SETBP1: variants seen among roughly 807,000 people sequenced by gnomAD.
SETBP1 encodes SET-binding protein.
In SETBP1, 9 loss-of-function variants were observed where a neutral mutation model predicts 101.0. The observed-to-expected ratio is 0.09, with a 90% CI of 0.05 to 0.16. The LOEUF is 0.16. Ranked by LOEUF, SETBP1 falls within the 10% of genes least tolerant of loss-of-function variation. The pLI is 1.00. For missense variants in SETBP1, 1,858 were observed against 2,033.8 expected (o/e 0.91, Z 1.66); for synonymous variants, 818 against 788.5 (o/e 1.04, Z -0.63).
rs150260283 is a variant in SETBP1, at chr18:44,835,729, C to T, written c.487-33501C>T. ...TCAAGTGGTTTGTTTGTGAAGTTCA[C>T]ACGGCCAAGCCAGAGCAAAGCTGTG... On this transcript the variant is annotated intron_variant, in intron 2 of 5. Transcript: ENST00000649279. Among the ~76,000 whole-genome samples the T allele has an allele frequency of 2.1e-3, 322 of 152,306 alleles. 1 individual carries two copies. Among genetic ancestry groups the T allele is most frequent in the African/African-American group, 7.6e-3 (314 of 41,564 alleles).
intron 2 of SETBP1, among the ~76,000 whole-genome samples, chr18:44,854,085 G>A (rs1388528796): frequency 6.6e-6 from 1 of 152,000 alleles, no homozygotes; most frequent in Non-Finnish European, 1.5e-5. Flanking sequence ...AATAAATGCT[G>A]TCTCCCCTAA....
At chr18:44,685,775 C>G (rs2068827697) in intron 1 of SETBP1, among the ~76,000 whole-genome samples, 1 of 152,260 alleles carries the variant, frequency 6.6e-6, no homozygotes, top group Admixed American at 6.5e-5. Context: ...TTAATAACCC[C>G]TTGGAATGAT....
intron 4 of SETBP1, among the ~76,000 whole-genome samples, chr18:45,006,892 TC>T (rs1326193942): frequency 2.6e-5 from 4 of 152,202 alleles, no homozygotes; most frequent in Non-Finnish European, 5.9e-5. Context: ...CCAAGTGAAC[TC>T]TACAGCACAT....
At chr18:44,926,367 A>C (rs190377716) in intron 3 of SETBP1, among the ~76,000 whole-genome samples, 20 of 152,330 alleles carry the variant, frequency 1.3e-4, no homozygotes, top group Admixed American at 1.3e-3. Flanking sequence ...AAGCTTCCAT[A>C]AGGCCACAGA....
At chr18:44,809,373 C>T (rs969452327) in intron 2 of SETBP1, among the ~76,000 whole-genome samples, 20 of 152,150 alleles carry the variant, frequency 1.3e-4, no homozygotes, top group Non-Finnish European at 2.5e-4. Context: ...AAATTCAAAA[C>T]AAGAAATTAC....
chr18:44,683,921 G>A (rs2068796851), intron 1 of SETBP1, among the ~76,000 whole-genome samples: 1 of 152,228 alleles, frequency 6.6e-6, no homozygotes, highest in African/African-American at 2.4e-5. Flanking sequence ...GAACACATTA[G>A]TATTGTAAGG....
chr18:45,064,983 T>C lies in SETBP1; in HGVS notation c.*1285T>C, dbSNP rs772820465. ...AGCCACCTTGGACAAAGTATCCAAA[T>C]TGTGGTTGCCTTAATAAACTAAAAC... On this transcript the variant is annotated 3_prime_UTR_variant, in exon 6 of 6. Transcript: ENST00000649279. 2 of 152,322 alleles carry C rather than the reference T, an allele frequency of 1.3e-5. No individual in the cohort carries two copies. Among genetic ancestry groups the C allele is most frequent in the South Asian group, 4.1e-4 (2 of 4,820 alleles). The allele number at this position is 152,322 out of a possible 1,614,324, so 9.4% of individuals were successfully genotyped here.
intron 4 of SETBP1, among the ~76,000 whole-genome samples, chr18:45,023,770 A>G (rs62090483): frequency 4.6e-5 from 7 of 152,316 alleles, no homozygotes; most frequent in Middle Eastern, 3.4e-3. Flanking sequence ...GTTCCTGGCT[A>G]GCCTGTTCTG....
At chr18:44,761,755 CATT>C (rs2070653670) in intron 2 of SETBP1, among the ~76,000 whole-genome samples, 1 of 152,214 alleles carries the variant, frequency 6.6e-6, no homozygotes, top group Admixed American at 6.5e-5. Flanking sequence ...CTTTGGTAAT[CATT>C]GTTGTATATG....
intron 4 of SETBP1, among the ~76,000 whole-genome samples, chr18:45,007,773 C>G (rs1235718549): frequency 6.6e-6 from 1 of 152,182 alleles, no homozygotes; most frequent in African/African-American, 2.4e-5. Context: ...AAGGCCAAAC[C>G]ATTTCATGAA....
chr18:44,856,352 A>G (rs2072977079), intron 2 of SETBP1, among the ~76,000 whole-genome samples: 1 of 152,194 alleles, frequency 6.6e-6, no homozygotes, highest in African/African-American at 2.4e-5. Context: ...CTTCCATGCT[A>G]AGACTTCTAA....
chr18:45,045,837 T>C (rs1657657948), intron 5 of SETBP1, among the ~76,000 whole-genome samples: 1 of 152,072 alleles, frequency 6.6e-6, no homozygotes, highest in Non-Finnish European at 1.5e-5. Flanking sequence ...GACAAGTGGG[T>C]GCTGTTTTTG....
At chr18:44,943,715 C>A (rs1028735524) in intron 3 of SETBP1, among the ~76,000 whole-genome samples, 1 of 152,220 alleles carries the variant, frequency 6.6e-6, no homozygotes, top group Non-Finnish European at 1.5e-5. Flanking sequence ...TCAGCTCCTG[C>A]TGAGGTCTGA....
intron 3 of SETBP1, among the ~76,000 whole-genome samples, chr18:44,873,398 T>C (rs569950129): frequency 9.8e-5 from 15 of 152,350 alleles, no homozygotes; most frequent in Non-Finnish European, 2.1e-4. Context: ...TAGCATTGTA[T>C]GCCTGAAATG....
At chr18:44,689,462 T>A (rs1045082152) in intron 1 of SETBP1, among the ~76,000 whole-genome samples, 1 of 152,172 alleles carries the variant, frequency 6.6e-6, no homozygotes, top group African/African-American at 2.4e-5. Context: ...ACCTTCCAAC[T>A]CTCTGAATTA....
chr18:44,804,313 C>A (rs1197681299), intron 2 of SETBP1, among the ~76,000 whole-genome samples: 3 of 152,036 alleles, frequency 2.0e-5, no homozygotes, highest in Non-Finnish European at 4.4e-5. Context: ...CGATTTTGAC[C>A]AAAATGTTAT....
At chr18:44,824,912 G>T (rs911589945) in intron 2 of SETBP1, among the ~76,000 whole-genome samples, 1 of 152,222 alleles carries the variant, frequency 6.6e-6, no homozygotes, top group African/African-American at 2.4e-5. Context: ...GCAAAGTCTT[G>T]GTCTTGCTGC....
In SETBP1 at chr18:44,915,619, G is replaced by C. The variant is rs1056796063; in HGVS notation, c.541-34262G>C. Among the ~76,000 whole-genome samples, 3 of 152,324 alleles carry C rather than the reference G, an allele frequency of 2.0e-5. No homozygotes were observed. In the South Asian group the frequency reaches 6.2e-4, roughly 32 times the overall value. Reference sequence around the variant, plus strand: ...TGTCAGACGGGCAAGATGAGAGACGGCTGAGCAATAAAGAATTCAGAGAAG... The same window carrying C: ...TGTCAGACGGGCAAGATGAGAGACGCCTGAGCAATAAAGAATTCAGAGAAG... On this transcript the variant is annotated intron_variant, in intron 3 of 5. Coordinates refer to ENST00000649279, the MANE Select transcript of SETBP1 (RefSeq NM_015559.3).
At chr18:44,845,358 G>A (rs889022134) in intron 2 of SETBP1, among the ~76,000 whole-genome samples, 1 of 152,128 alleles carries the variant, frequency 6.6e-6, no homozygotes, top group Non-Finnish European at 1.5e-5. Flanking sequence ...CTGCCTGACT[G>A]CAGTAATTTA....
Sources: allele counts gnomAD v4.1 joint callset (sites outside exome capture counted in the v4.1 genomes callset), GRCh38; gene constraint gnomAD v4.1.1; transcripts MANE v1.5; gene names NCBI Gene and HGNC (gene_info 2026-07-23, HGNC 2026-07-21).